NAV2: variants seen among roughly 807,000 people sequenced by gnomAD.
The protein encoded by NAV2 is neuron navigator 2.
A neutral mutation model predicts 223.2 loss-of-function variants in NAV2; 54 were observed. The observed-to-expected ratio is 0.24, with a 90% confidence interval of 0.19 to 0.30. NAV2 has a LOEUF of 0.30. NAV2 is among the 10% of genes least tolerant of loss of function. NAV2 has a pLI of 1.00. For missense variants in NAV2, 2,806 were observed against 3,147.5 expected (o/e 0.89, Z 2.60); for synonymous variants, 1,279 against 1,239.3 (o/e 1.03, Z -0.67).
chr11:19,886,394 C>T (rs1011535707), intron 5 of NAV2, among the ~76,000 whole-genome samples: 4 of 152,134 alleles, frequency 2.6e-5, no homozygotes, highest in Non-Finnish European at 5.9e-5. Flanking sequence ...CAAGTCCACA[C>T]GTTACCCAGA....
chr11:19,811,219 C>G (rs752438098), intron 1 of NAV2, among the ~76,000 whole-genome samples: 1 of 152,156 alleles, frequency 6.6e-6, no homozygotes, highest in Non-Finnish European at 1.5e-5. Context: ...TGTGGAGTTC[C>G]TGCTGGTAGG....
At chr11:19,792,046 G>A (rs1268978182) in intron 1 of NAV2, among the ~76,000 whole-genome samples, 2 of 152,310 alleles carry the variant, frequency 1.3e-5, no homozygotes, top group East Asian at 3.9e-4. Flanking sequence ...GGGGAGAGAA[G>A]GGTGATTGTT....
rs1264497937 is a variant in NAV2, at chr11:19,877,474, T to TTTTTTTTTTTCTTTTTTCTTTTCTTTTC, written c.512-2385_512-2384insCTTTTTTCTTTTCTTTTCTTTTTTTTTT. 3.8e-5 allele frequency among the ~76,000 whole-genome samples: 5 copies of TTTTTTTTTTTCTTTTTTCTTTTCTTTTC among 130,454 alleles called. No homozygotes were observed. In the South Asian group the frequency reaches 1.1e-3, roughly 28 times the overall value. 85.6% of individuals were successfully genotyped at this position (130,454 alleles called of 152,430 possible). On this transcript the variant is annotated intron_variant, in intron 4 of 37. Transcript: ENST00000349880. Reference sequence around the variant, plus strand: ...CTTGCTTGGCTTATCTTCATTCTTTTTTTTTTTTTTTTTTTTGAGACAGAG... The same window carrying TTTTTTTTTTTCTTTTTTCTTTTCTTTTC: ...CTTGCTTGGCTTATCTTCATTCTTTTTTTTTTTTTTCTTTTTTCTTTTCTTTTCTTTTTTTTTTTTTTTTGAGACAGAG...
rs543312063 is a variant in NAV2 at position 19,599,123 on chromosome 11, G to A, written c.76-233361G>A. On this transcript the variant is annotated intron_variant, in intron 1 of 37. Coordinates refer to the NAV2 transcript ENST00000360655. ...CCTCTGTGCCATCATGCTGGCCAGC[G>A]TTGGTCCTTTTCAATGTGTCCTCAT... is the stretch of plus-strand genomic sequence containing the variant. Among the ~76,000 whole-genome samples the A allele has an allele frequency of 4.2e-4, 64 of 152,320 alleles. 1 individual carries two copies. The South Asian group carries it at 6.2e-3, about 15-fold the overall frequency.
upstream of NAV2, among the ~76,000 whole-genome samples, chr11:19,346,457 G>A (rs1440598887): frequency 2.0e-5 from 3 of 152,224 alleles, no homozygotes; most frequent in Non-Finnish European, 4.4e-5. Context: ...GCGCGGGCGG[G>A]GAGGGGGCGC....
At chr11:19,552,625 CT>C (rs1395854052) in intron 1 of NAV2, among the ~76,000 whole-genome samples, 1 of 152,206 alleles carries the variant, frequency 6.6e-6, no homozygotes, top group Non-Finnish European at 1.5e-5. Flanking sequence ...CGGAACCACT[CT>C]GTGACATGAA....
chr11:19,998,389 A>G lies in NAV2; in HGVS notation c.2768+14142A>G, dbSNP rs2052156368. On this transcript the variant is annotated intron_variant, in intron 11 of 37. Transcript: ENST00000349880. This position sits in a 1 kb window ranked among gnomAD's most constrained non-coding sequence, Gnocchi z 5.0. ...TCTCCCACTGCAGCCTTCCAGGCCC[A>G]CTGTACCCACCAGGGCCTTCATGCG... Among the ~76,000 whole-genome samples, 1 of 151,950 alleles carries G rather than the reference A, an allele frequency of 6.6e-6. No individual in the cohort carries two copies. The highest frequency in any genetic ancestry group is 1.5e-5 in the Non-Finnish European group (1 of 67,986).
At chr11:19,455,499 C>T (rs1460665173) in intron 1 of NAV2, among the ~76,000 whole-genome samples, 1 of 152,162 alleles carries the variant, frequency 6.6e-6, no homozygotes, top group Non-Finnish European at 1.5e-5. Flanking sequence ...CATAATCTCT[C>T]TCCCATTCTG....
At chr11:19,360,123 T>G (rs1853848005) in intron 1 of NAV2, among the ~76,000 whole-genome samples, 1 of 152,272 alleles carries the variant, frequency 6.6e-6, no homozygotes, top group Non-Finnish European at 1.5e-5. Flanking sequence ...TCCTTTGAGC[T>G]GTCTCTTCAG....
chr11:20,103,439 C>T (rs370105897), intron 33 of NAV2, 30 bp downstream of exon 33: 7 of 1,604,210 alleles, frequency 4.4e-6, no homozygotes, highest in Non-Finnish European at 5.1e-6. Context: ...CTCATAGCCC[C>T]CCGGGAGAGA....
chr11:19,624,081 C>T (rs539082738), intron 1 of NAV2, among the ~76,000 whole-genome samples: 6 of 152,244 alleles, frequency 3.9e-5, no homozygotes, highest in South Asian at 2.1e-4. Flanking sequence ...TGCAGAACAG[C>T]GAGTATTGCA....
intron 6 of NAV2, among the ~76,000 whole-genome samples, chr11:19,930,806 G>A (rs1257012517): frequency 1.3e-5 from 2 of 152,284 alleles, no homozygotes; most frequent in East Asian, 3.9e-4. Flanking sequence ...ACTCAGGATT[G>A]GTGGGTTCAC....
At chr11:19,869,088 G>GCATCCCTTGTCATAAT in intron 4 of NAV2, 91 bp downstream of exon 4, 1 of 1,278,094 alleles carries the variant, frequency 7.8e-7, no homozygotes, top group Non-Finnish European at 1.1e-6. Flanking sequence ...ATTATGACAA[G>GCATCCCTTGTCATAAT]GGATGCTTGT....
chr11:19,925,072 G>T (rs187356623), intron 6 of NAV2, among the ~76,000 whole-genome samples: 1 of 152,060 alleles, frequency 6.6e-6, no homozygotes, highest in African/African-American at 2.4e-5. Context: ...ATTTTTATTG[G>T]CCATTTGCAT....
chr11:19,429,970 A>G (rs1168796350), intron 1 of NAV2, among the ~76,000 whole-genome samples: 1 of 152,224 alleles, frequency 6.6e-6, no homozygotes, highest in Non-Finnish European at 1.5e-5. Context: ...TTGAGTAATT[A>G]GAAAGTCTAG....
At chr11:19,711,852 C>T (rs2049895513), upstream of NAV2, 1 of 152,212 alleles carries the variant, frequency 6.6e-6, no homozygotes. Flanking sequence ...AGGTAAATGT[C>T]GTCAAGCCTC....
At chr11:19,802,711 C>A (rs143848461) in intron 1 of NAV2, among the ~76,000 whole-genome samples, 686 of 116,764 alleles carry the variant, frequency 5.9e-3, no homozygotes, top group Admixed American at 6.9e-3. Context: ...CCCTGTCTCT[C>A]AAAAAAAAAA....
At chr11:19,820,918 A>G (rs1300962079) in intron 1 of NAV2, among the ~76,000 whole-genome samples, 2 of 152,236 alleles carry the variant, frequency 1.3e-5, no homozygotes, top group African/African-American at 4.8e-5. Flanking sequence ...AAATGAGGAA[A>G]TGAATAGGAA....
chr11:19,541,972 G>C (rs906806085), intron 1 of NAV2, among the ~76,000 whole-genome samples: 3 of 152,148 alleles, frequency 2.0e-5, no homozygotes, highest in African/African-American at 7.2e-5. Context: ...TTCCACTTTT[G>C]ATTTGCTGCA....
Sources: allele counts gnomAD v4.1 joint callset (sites outside exome capture counted in the v4.1 genomes callset), GRCh38; gene constraint gnomAD v4.1.1; non-coding constraint Gnocchi (gnomAD v3.1); transcripts MANE v1.5; gene names NCBI Gene and HGNC (gene_info 2026-07-23, HGNC 2026-07-21).